The following BAZ2B variants were observed in gnomAD, a reference collection of about 807,000 sequenced individuals.
BAZ2B encodes the protein bromodomain adjacent to zinc finger domain protein 2B.
A neutral mutation model predicts 246.0 loss-of-function variants in BAZ2B; 91 were observed. The observed-to-expected ratio is 0.37, with a 90% CI of 0.31 to 0.44. BAZ2B has a LOEUF of 0.44. BAZ2B is among the 20% of genes least tolerant of loss of function. The probability of loss-of-function intolerance (pLI) is 1.00; values close to 1 mark genes in which losing one functional copy is unlikely to be tolerated. For synonymous variants in BAZ2B, 855 were observed against 860.0 expected (o/e 0.99, Z 0.10); for missense variants, 2,332 against 2,533.7 (o/e 0.92, Z 1.71).
the BAZ2B span, among the ~76,000 whole-genome samples, chr2:159,678,131 A>G: frequency 2.0e-5 from 3 of 152,186 alleles, no homozygotes; most frequent in South Asian, 4.1e-4. Flanking sequence ...TGGAGCATCT[A>G]TTTTACGTAA....
intron 36 of BAZ2B, among the ~76,000 whole-genome samples, chr2:159,324,154 T>C (rs780203042): frequency 1.4e-5 from 2 of 141,774 alleles, no homozygotes; most frequent in Non-Finnish European, 3.1e-5. Context: ...ATATACTGGA[T>C]AATAACAATG....
intron 1 of BAZ2B, among the ~76,000 whole-genome samples, chr2:159,569,714 C>A (rs1249100330): frequency 6.6e-6 from 1 of 151,976 alleles, no homozygotes; most frequent in Non-Finnish European, 1.5e-5. Context: ...AATCCCAGCA[C>A]CTTAGGAGGC....
chr2:159,498,529 T>C (rs1423638400), intron 2 of BAZ2B, among the ~76,000 whole-genome samples: 1 of 152,202 alleles, frequency 6.6e-6, no homozygotes, highest in Admixed American at 6.5e-5. Flanking sequence ...CTTAGATAAC[T>C]AAAATAGTAA....
chr2:159,570,191 G>GT (rs923571608), intron 1 of BAZ2B, among the ~76,000 whole-genome samples: 17 of 128,268 alleles, frequency 1.3e-4, no homozygotes, highest in Middle Eastern at 8.1e-3. Context: ...TGTTTTTTTT[G>GT]TTTTTTTTCT....
intron 13 of BAZ2B, among the ~76,000 whole-genome samples, chr2:159,424,952 C>T (rs1478271625): frequency 6.6e-6 from 1 of 152,072 alleles, no homozygotes; most frequent in African/African-American, 2.4e-5. Context: ...CTTCAATCCG[C>T]AAATGCAGAA....
intron 2 of BAZ2B, among the ~76,000 whole-genome samples, chr2:159,524,975 C>T (rs746788108): frequency 3.0e-4 from 45 of 151,952 alleles, no homozygotes; most frequent in Non-Finnish European, 5.3e-4. Flanking sequence ...TTCTTGAGCC[C>T]AGGAGTTCCA....
intron 1 of BAZ2B, among the ~76,000 whole-genome samples, chr2:159,577,547 T>C (rs1422093320): frequency 6.6e-6 from 1 of 152,180 alleles, no homozygotes; most frequent in Non-Finnish European, 1.5e-5. Flanking sequence ...CTTGGTCCAA[T>C]GATTGTTTTC....
chr2:159,653,327 G>A, the BAZ2B span, among the ~76,000 whole-genome samples: 3 of 152,068 alleles, frequency 2.0e-5, no homozygotes, highest in African/African-American at 4.8e-5. Flanking sequence ...CAATAAACAC[G>A]TGATATTACT....
chr2:159,384,484 T>C (rs920657411), intron 23 of BAZ2B, among the ~76,000 whole-genome samples: 9 of 152,052 alleles, frequency 5.9e-5, no homozygotes, highest in Non-Finnish European at 8.8e-5. Context: ...ATTGATCCTT[T>C]TTCTAGAAAG....
chr2:159,638,527 A>G, the BAZ2B span, among the ~76,000 whole-genome samples: 4 of 152,258 alleles, frequency 2.6e-5, no homozygotes, highest in Non-Finnish European at 2.9e-5. Flanking sequence ...TCAGAATTCT[A>G]TCAGGTAAGT....
At chr2:159,435,202 A>G (rs2071981171) in intron 8 of BAZ2B, 1 of 151,586 alleles carries the variant, frequency 6.6e-6, no homozygotes, top group African/African-American at 2.4e-5. Context: ...ATATTTTATT[A>G]TTATTATTTT....
intron 1 of BAZ2B, among the ~76,000 whole-genome samples, chr2:159,614,372 CTT>C (rs1212227821): frequency 1.3e-5 from 2 of 152,090 alleles, no homozygotes; most frequent in African/African-American, 4.8e-5. Context: ...AATTGTTTGA[CTT>C]AATATCTGCT....
chr2:159,327,849 G>C (rs548110281), intron 34 of BAZ2B, among the ~76,000 whole-genome samples: 3 of 152,174 alleles, frequency 2.0e-5, no homozygotes, highest in African/African-American at 7.2e-5. Flanking sequence ...CGGATCGCCT[G>C]AGGTCAGGAG....
chr2:159,704,482 C>CTTTTT, the BAZ2B span, among the ~76,000 whole-genome samples: 1 of 117,014 alleles, frequency 8.5e-6, no homozygotes, highest in African/African-American at 3.2e-5. Flanking sequence ...CTTTCTTTTT[C>CTTTTT]TTTTTTTTTT....
Position 159,439,198 on chromosome 2 carries a change from T to C in BAZ2B, c.711A>G (p.Lys237=). 6.2e-7 allele frequency: 1 copy of C among 1,613,240 alleles called. No homozygotes were observed. The highest frequency in any genetic ancestry group is 1.1e-5 in the South Asian group (1 of 90,894). ...DKIKDKKPRK[K]AMESSSNSDS... ...CACTGTTGCTAGAACTTTCCATTGC[T>C]TTCTTCCTTGGTTTCTGGATAACGA... Residue 237 remains lysine, a synonymous_variant, in exon 7 of 37, where the codon AAA becomes AAG. Transcript: ENST00000392783.
chr2:159,401,948 G>A (rs987594201), intron 16 of BAZ2B, among the ~76,000 whole-genome samples: 3 of 152,122 alleles, frequency 2.0e-5, no homozygotes, highest in African/African-American at 7.2e-5. Context: ...ATCTCCAGAT[G>A]CTAGTTGTAC....
intron 8 of BAZ2B, among the ~76,000 whole-genome samples, chr2:159,436,747 T>C (rs2072415897): frequency 6.6e-6 from 1 of 151,584 alleles, no homozygotes; most frequent in East Asian, 1.9e-4. Context: ...CGAGACTCTG[T>C]CTCAAAAAAA....
chr2:159,614,641 CAAA>C (rs1458510359), intron 1 of BAZ2B, among the ~76,000 whole-genome samples: 1 of 151,646 alleles, frequency 6.6e-6, no homozygotes, highest in African/African-American at 2.4e-5. Flanking sequence ...AAAAAGTACA[CAAA>C]AACCAGATAA....
chr2:159,703,486 A>AC, the BAZ2B span, among the ~76,000 whole-genome samples: 89 of 22,392 alleles, frequency 4.0e-3, no homozygotes, highest in African/African-American at 0.022. Flanking sequence ...AATCACTTCT[A>AC]CCCCCCGCAA....
Sources: allele counts gnomAD v4.1 joint callset (sites outside exome capture counted in the v4.1 genomes callset), GRCh38; gene constraint gnomAD v4.1.1; transcripts MANE v1.5; gene names NCBI Gene and HGNC (gene_info 2026-07-23, HGNC 2026-07-21).